The following FNDC3B variants were observed in gnomAD, a reference collection of about 807,000 sequenced individuals.
FNDC3B encodes fibronectin type III domain containing 3B.
Under a neutral mutation model 151.5 loss-of-function variants are expected in FNDC3B, and 12 were observed. The ratio of observed to expected loss-of-function variants is 0.08; its 90% CI spans 0.05 to 0.13. FNDC3B has a LOEUF of 0.13. Among genes scored for constraint, FNDC3B ranks in the 10% least tolerant of loss-of-function variants. The pLI, the probability that FNDC3B is intolerant of heterozygous loss-of-function variation, is 1.00. For missense variants in FNDC3B, 1,214 were observed against 1,505.3 expected, an observed-to-expected ratio of 0.81 and a Z score of 3.20; for synonymous variants, 528 against 549.0, an observed-to-expected ratio of 0.96 and a Z score of 0.54.
intron 9 of FNDC3B, 152 bp from the exon 10 acceptor site, chr3:172,307,211 C>T: frequency 1.3e-6 from 1 of 741,610 alleles, no homozygotes; most frequent in Non-Finnish European, 2.2e-6. Flanking sequence ...AACCATAGGT[C>T]AGGACAAGAC....
At chr3:172,304,464 G>A (rs77627141) in intron 9 of FNDC3B, among the ~76,000 whole-genome samples, 4,778 of 152,320 alleles carry the variant, frequency 0.031, 108 homozygotes, top group Non-Finnish European at 0.047. Context: ...ACTGGGTTGG[G>A]TAAGGGTCAG....
At position 172,298,782 on chromosome 3, in the gene FNDC3B, T is replaced by A; in HGVS notation, c.1056T>A (p.His352Gln). 1.2e-6 allele frequency: 2 copies of A among 1,607,110 alleles called. No homozygotes were observed. The highest frequency in any genetic ancestry group is 1.7e-6 in the Non-Finnish European group (2 of 1,176,666). The change falls in exon 9 of 26, where the codon CAT (histidine) becomes CAA (glutamine). Residue 352 changes from histidine (H) to glutamine (Q), a missense_variant. His to Gln is a conservative substitution (Grantham distance 24). This residue lies in a region of FNDC3B where 156 missense variants were observed against 225.3 expected (regional missense o/e 0.69). Coordinates refer to ENST00000415807, the MANE Select transcript of FNDC3B (RefSeq NM_022763.4). Reference protein sequence around the residue: ...LKDLRPATDYHVRVYAMYNSV... With the variant: ...LKDLRPATDYQVRVYAMYNSV... ...ATCTTAGACCAGCAACAGATTATCA[T>A]GTGAGGTGAGTTAGGATATAAGAGC...
chr3:172,181,388 C>CT (rs1244708171), intron 3 of FNDC3B, among the ~76,000 whole-genome samples: 7 of 84,786 alleles, frequency 8.3e-5, no homozygotes, highest in Admixed American at 1.8e-4. Flanking sequence ...GAGTGAGACT[C>CT]TGTCTCCAAA....
rs577294098 is a variant in FNDC3B at position 172,048,179 on chromosome 3, G to A, written c.-29+8408G>A. 5.3e-5 allele frequency among the ~76,000 whole-genome samples: 8 copies of A among 152,196 alleles called. No homozygotes were observed. In the East Asian group the frequency reaches 1.5e-3, roughly 29 times the overall value. ...TTTTCTAGTATGTGTCTACTTAGGG[G>A]TCAGATTTGACCAGTTTTTAACAGT... On this transcript the variant is annotated intron_variant, in intron 1 of 25. Coordinates refer to ENST00000415807, the MANE Select transcript of FNDC3B (RefSeq NM_022763.4).
chr3:172,250,189 C>T (rs1354087692), intron 5 of FNDC3B, among the ~76,000 whole-genome samples: 1 of 152,106 alleles, frequency 6.6e-6, no homozygotes, highest in Non-Finnish European at 1.5e-5. Context: ...AGATTGCTTG[C>T]AGGCTTCTAT....
chr3:172,151,694 G>A (rs898249788), intron 3 of FNDC3B, among the ~76,000 whole-genome samples: 4 of 152,102 alleles, frequency 2.6e-5, no homozygotes, highest in African/African-American at 7.2e-5. Flanking sequence ...TAAAACCTGC[G>A]GTAGCTAATT....
intron 22 of FNDC3B, among the ~76,000 whole-genome samples, chr3:172,357,150 C>G (rs1360663903): frequency 6.6e-6 from 1 of 151,986 alleles, no homozygotes; most frequent in African/African-American, 2.4e-5. Context: ...GAATGTGGTT[C>G]TTTGATTTAT....
intron 7 of FNDC3B, 34 bp downstream of exon 7, chr3:172,286,018 CT>C (rs1346719306): frequency 2.7e-6 from 4 of 1,493,148 alleles, no homozygotes; most frequent in South Asian, 2.4e-5. Context: ...ATAAATGACA[CT>C]TTTTAAAGTA....
chr3:172,274,217 A>G (rs993767102), intron 6 of FNDC3B, among the ~76,000 whole-genome samples: 2 of 152,186 alleles, frequency 1.3e-5, no homozygotes, highest in Admixed American at 6.5e-5. Context: ...GACCTTCTGT[A>G]ATTGGATATG....
intron 3 of FNDC3B, among the ~76,000 whole-genome samples, chr3:172,147,988 C>G (rs963008751): frequency 1.3e-5 from 2 of 151,960 alleles, no homozygotes; most frequent in Non-Finnish European, 2.9e-5. Context: ...AATTTTTCCT[C>G]CCTTTTCTAC....
At chr3:172,341,317 A>C (rs1204730675) in intron 17 of FNDC3B, 86 bp downstream of exon 17, 2 of 964,082 alleles carry the variant, frequency 2.1e-6, no homozygotes, top group African/African-American at 1.6e-5. Flanking sequence ...TTGCAGTTTA[A>C]ACAATGTATC....
chr3:172,244,005 TGAA>T (rs1727640772), intron 4 of FNDC3B, among the ~76,000 whole-genome samples: 1 of 152,210 alleles, frequency 6.6e-6, no homozygotes, highest in Non-Finnish European at 1.5e-5. Flanking sequence ...AAAATTTAGA[TGAA>T]GAATATTTAT....
At chr3:172,098,426 A>G (rs1719196953) in intron 1 of FNDC3B, among the ~76,000 whole-genome samples, 1 of 152,212 alleles carries the variant, frequency 6.6e-6, no homozygotes, top group Non-Finnish European at 1.5e-5. Context: ...GAGGAGTTAA[A>G]ATAATTTTTT....
chr3:172,306,391 CA>C (rs1347639407), intron 9 of FNDC3B, among the ~76,000 whole-genome samples: 2 of 152,152 alleles, frequency 1.3e-5, no homozygotes, highest in Non-Finnish European at 2.9e-5. Flanking sequence ...CTTCTGTCTG[CA>C]ATGGGTAATA....
At chr3:172,195,146 G>A (rs1442441402) in intron 3 of FNDC3B, among the ~76,000 whole-genome samples, 2 of 152,052 alleles carry the variant, frequency 1.3e-5, no homozygotes, top group South Asian at 2.1e-4. Context: ...ATTTTTACTA[G>A]TATTTTTACT....
chr3:172,149,949 G>A (rs570810556), intron 3 of FNDC3B, among the ~76,000 whole-genome samples: 88 of 151,514 alleles, frequency 5.8e-4, no homozygotes, highest in African/African-American at 2.0e-3. Context: ...CTCTCGAGTA[G>A]CTGGGACTTC....
chr3:172,115,726 G>A (rs1032801656), intron 2 of FNDC3B, among the ~76,000 whole-genome samples: 1 of 152,160 alleles, frequency 6.6e-6, no homozygotes, highest in Non-Finnish European at 1.5e-5. Flanking sequence ...TGGCACCTCA[G>A]CCACCTCTCA....
intron 22 of FNDC3B, among the ~76,000 whole-genome samples, chr3:172,354,904 T>C (rs1257353468): frequency 6.6e-6 from 1 of 151,342 alleles, no homozygotes; most frequent in East Asian, 1.9e-4. Context: ...AGCAGTTACA[T>C]ATTGTTCTCA....
At chr3:172,375,590 G>A (rs533130343) in intron 23 of FNDC3B, among the ~76,000 whole-genome samples, 37 of 152,266 alleles carry the variant, frequency 2.4e-4, no homozygotes, top group African/African-American at 8.7e-4. Context: ...AAATAAAAGA[G>A]CTCTTCTCCA....
Sources: allele counts gnomAD v4.1 joint callset (sites outside exome capture counted in the v4.1 genomes callset), GRCh38; gene constraint gnomAD v4.1.1; regional missense constraint gnomAD v4.1.1; transcripts MANE v1.5; gene names NCBI Gene and HGNC (gene_info 2026-07-23, HGNC 2026-07-21).